SCRG1: variants seen among roughly 807,000 people sequenced by gnomAD.
SCRG1 encodes the protein stimulator of chondrogenesis 1, also known as scrapie-responsive protein 1.
In SCRG1, 3 loss-of-function variants were observed where a neutral mutation model predicts 7.7. The observed-to-expected ratio is 0.39, with a 90% CI of 0.18 to 1.01. The LOEUF (loss-of-function observed/expected upper bound fraction) is 1.01, where lower values mean the gene tolerates loss of function less well. Ranked by LOEUF, SCRG1 falls within the 50% of genes least tolerant of loss-of-function variation. The pLI is 0.36. For synonymous variants in SCRG1, 46 were observed against 41.2 expected (o/e 1.12, Z -0.44); for missense variants, 110 against 117.2 (o/e 0.94, Z 0.28).
At chr4:173,407,142 G>T (rs1187003119), upstream of SCRG1, among the ~76,000 whole-genome samples, 5 of 151,614 alleles carry the variant, frequency 3.3e-5, no homozygotes, top group African/African-American at 9.7e-5. Flanking sequence ...CTGGGAGGCA[G>T]AAGTTGCAGT....
the SCRG1 span, among the ~76,000 whole-genome samples, chr4:173,446,939 C>T: frequency 1.3e-5 from 2 of 152,154 alleles, no homozygotes; most frequent in Admixed American, 6.5e-5. Context: ...TAAAATGAAC[C>T]ATGTGAGACA....
At chr4:173,425,031 C>T in the SCRG1 span, among the ~76,000 whole-genome samples, 3 of 152,070 alleles carry the variant, frequency 2.0e-5, no homozygotes, top group Admixed American at 2.0e-4. Flanking sequence ...TTTATTTCTG[C>T]CAACTTTCCA....
At chr4:173,486,044 A>T in the SCRG1 span, among the ~76,000 whole-genome samples, 2 of 152,196 alleles carry the variant, frequency 1.3e-5, no homozygotes, top group Non-Finnish European at 2.9e-5. Flanking sequence ...GCATGATTTA[A>T]TTTAGCAAAT....
At chr4:173,435,429 C>T in the SCRG1 span, among the ~76,000 whole-genome samples, 153 of 152,298 alleles carry the variant, frequency 1.0e-3, no homozygotes, top group Non-Finnish European at 1.7e-3. Flanking sequence ...CCTGTCTGGT[C>T]ACCGGGGCTC....
chr4:173,485,932 C>T, the SCRG1 span, among the ~76,000 whole-genome samples: 6 of 152,000 alleles, frequency 3.9e-5, no homozygotes, highest in Admixed American at 2.0e-4. Flanking sequence ...ATTGTGCCAC[C>T]GCACTCCAGC....
the SCRG1 span, chr4:173,469,195 T>C: frequency 6.6e-6 from 1 of 152,140 alleles, no homozygotes; most frequent in South Asian, 2.1e-4. Flanking sequence ...TTAGTTCCTT[T>C]AAGGAGTATT....
chr4:173,441,272 C>T, the SCRG1 span, among the ~76,000 whole-genome samples: 1 of 152,162 alleles, frequency 6.6e-6, no homozygotes, highest in African/African-American at 2.4e-5. Flanking sequence ...TATTGTGTCA[C>T]TTATTTTAGT....
the SCRG1 span, among the ~76,000 whole-genome samples, chr4:173,499,053 ATCT>A: frequency 6.6e-6 from 1 of 152,316 alleles, no homozygotes; most frequent in South Asian, 2.1e-4. The surrounding 1 kb of genome is among the most constrained non-coding windows in gnomAD (Gnocchi z 4.1). Flanking sequence ...GACAGCATGG[ATCT>A]TCTTTCAAAT....
chr4:173,484,415 A>ATATAT, the SCRG1 span, among the ~76,000 whole-genome samples: 6 of 71,414 alleles, frequency 8.4e-5, 1 homozygote, highest in South Asian at 1.4e-3. Flanking sequence ...TATACATATA[A>ATATAT]TATATATTAT....
the SCRG1 span, among the ~76,000 whole-genome samples, chr4:173,472,906 G>A: frequency 6.6e-6 from 1 of 152,142 alleles, no homozygotes; most frequent in African/African-American, 2.4e-5. Context: ...ACATGATTCA[G>A]TAATTTTAAT....
chr4:173,480,001 G>A, the SCRG1 span, among the ~76,000 whole-genome samples: 1 of 151,904 alleles, frequency 6.6e-6, no homozygotes, highest in African/African-American at 2.4e-5. Flanking sequence ...AGAGCCTCTC[G>A]GTCTGTCACC....
the SCRG1 span, among the ~76,000 whole-genome samples, chr4:173,428,102 G>A: frequency 6.6e-6 from 1 of 152,114 alleles, no homozygotes; most frequent in Admixed American, 6.6e-5. Context: ...AACAGAGCAG[G>A]GATACAGGAT....
At chr4:173,505,124 C>A in the SCRG1 span, among the ~76,000 whole-genome samples, 5 of 152,238 alleles carry the variant, frequency 3.3e-5, no homozygotes, top group East Asian at 7.7e-4. The surrounding 1 kb of genome is among the most constrained non-coding windows in gnomAD (Gnocchi z 4.4). Context: ...ATTTAGCCAC[C>A]TCCAACTTTA....
the SCRG1 span, among the ~76,000 whole-genome samples, chr4:173,516,725 T>C: frequency 6.6e-6 from 1 of 152,164 alleles, no homozygotes; most frequent in African/African-American, 2.4e-5. Flanking sequence ...CTGTGGAAAT[T>C]AGTCATATTG....
chr4:173,467,065 TA>T, the SCRG1 span, among the ~76,000 whole-genome samples: 1 of 152,088 alleles, frequency 6.6e-6, no homozygotes, highest in African/African-American at 2.4e-5. Context: ...TATCTCTACA[TA>T]AAAAGCAGAG....
rs1739251894 is a variant in SCRG1, at chr4:173,386,461, C to G, written c.*1880G>C. On this transcript the variant is annotated 3_prime_UTR_variant, in exon 3 of 3. Coordinates refer to ENST00000296506, the MANE Select transcript of SCRG1 (RefSeq NM_007281.4). ...CCGCACCCAGCCGTGTTTATATACA[C>G]TTTAAGACACTGAATTGTGACTACC... 1 of 152,054 alleles carries G rather than the reference C, an allele frequency of 6.6e-6. No homozygotes were observed. 9.4% of individuals were successfully genotyped at this position (152,054 alleles called of 1,614,324 possible).
At chr4:173,435,097 A>T in the SCRG1 span, among the ~76,000 whole-genome samples, 6 of 149,974 alleles carry the variant, frequency 4.0e-5, no homozygotes. Flanking sequence ...AAATCTTTTA[A>T]TTATAAATGC....
the SCRG1 span, chr4:173,419,305 A>G: frequency 1.1e-4 from 80 of 708,400 alleles, no homozygotes; most frequent in African/African-American, 1.1e-3. Flanking sequence ...GAGCTACCCA[A>G]TCTTTCTTCT....
chr4:173,472,384 A>G, the SCRG1 span, among the ~76,000 whole-genome samples: 10 of 152,364 alleles, frequency 6.6e-5, no homozygotes, highest in East Asian at 1.7e-3. Flanking sequence ...AGGGTTCTCC[A>G]GAGAGACAGA....
Sources: allele counts gnomAD v4.1 joint callset (sites outside exome capture counted in the v4.1 genomes callset), GRCh38; gene constraint gnomAD v4.1.1; non-coding constraint Gnocchi (gnomAD v3.1); transcripts MANE v1.5; gene names NCBI Gene and HGNC (gene_info 2026-07-23, HGNC 2026-07-21).